The following HS3ST4 variants were observed in gnomAD, a reference collection of about 807,000 sequenced individuals.
HS3ST4 encodes heparan sulfate-glucosamine 3-sulfotransferase 4.
Under a neutral mutation model 29.2 loss-of-function variants are expected in HS3ST4, and 17 were observed. The observed-to-expected ratio is 0.58, with a 90% CI of 0.40 to 0.87. HS3ST4 has a LOEUF of 0.87. Among genes scored for constraint, HS3ST4 ranks in the 40% least tolerant of loss-of-function variants. The pLI, the probability that HS3ST4 is intolerant of heterozygous loss-of-function variation, is 0.00. For synonymous variants in HS3ST4, 314 were observed against 285.7 expected, an observed-to-expected ratio of 1.10 and a Z score of -1.00; for missense variants, 627 against 634.5, an observed-to-expected ratio of 0.99 and a Z score of 0.13.
intron 1 of HS3ST4, among the ~76,000 whole-genome samples, chr16:25,816,131 A>G (rs375982434): frequency 8.5e-5 from 13 of 152,324 alleles, no homozygotes; most frequent in African/African-American, 3.1e-4. Context: ...ATTTATACCA[A>G]AATCCCAATC....
chr16:25,892,888 C>T (rs543600518), intron 1 of HS3ST4, among the ~76,000 whole-genome samples: 1 of 152,022 alleles, frequency 6.6e-6, no homozygotes, highest in Non-Finnish European at 1.5e-5. Context: ...CTTGACCTCA[C>T]GGAACTTATT....
In HS3ST4 at chr16:25,693,089, G is replaced by C; in HGVS notation, c.672G>C (p.Arg224=). Residue 224 remains arginine, a synonymous_variant, in exon 1 of 2, where the codon CGG becomes CGC. Coordinates refer to ENST00000331351, the MANE Select transcript of HS3ST4 (RefSeq NM_006040.3). The part of the protein sequence containing the change: ...LEAIRVHPDV[R]AVGVEPHFFD... ...CGATCCGCGTGCACCCGGACGTGCG[G>C]GCGGTGGGCGTAGAGCCGCACTTCT... 1 of 1,608,942 alleles carries C rather than the reference G, an allele frequency of 6.2e-7. No individual in the cohort carries two copies. Among genetic ancestry groups the C allele is most frequent in the South Asian group, 1.1e-5 (1 of 90,584 alleles).
At chr16:26,094,509 A>G (rs952384922) in intron 1 of HS3ST4, among the ~76,000 whole-genome samples, 15 of 152,216 alleles carry the variant, frequency 9.9e-5, no homozygotes, top group African/African-American at 3.6e-4. Flanking sequence ...ATATCCAACC[A>G]AACTAAGCTT....
chr16:25,873,841 C>G (rs1176009976), intron 1 of HS3ST4, among the ~76,000 whole-genome samples: 1 of 152,156 alleles, frequency 6.6e-6, no homozygotes, highest in East Asian at 1.9e-4. Context: ...TCCATCTATC[C>G]TGCCCTACAT....
chr16:26,011,023 A>G (rs1413844381), intron 1 of HS3ST4, among the ~76,000 whole-genome samples: 1 of 152,192 alleles, frequency 6.6e-6, no homozygotes, highest in Non-Finnish European at 1.5e-5. Context: ...TGTTCTGCCT[A>G]TACCTTAAGC....
chr16:25,949,129 G>T (rs528887374), intron 1 of HS3ST4, among the ~76,000 whole-genome samples: 4 of 151,874 alleles, frequency 2.6e-5, no homozygotes, highest in East Asian at 1.9e-4. Context: ...GAGATTTTTT[G>T]ATATAGGCGT....
At chr16:26,077,090 C>T (rs183499945) in intron 1 of HS3ST4, among the ~76,000 whole-genome samples, 22 of 152,314 alleles carry the variant, frequency 1.4e-4, no homozygotes, top group African/African-American at 4.8e-4. Flanking sequence ...CAGCTGCAGT[C>T]CTCCCACAGT....
chr16:25,743,988 T>G lies in HS3ST4; in HGVS notation c.734+50837T>G, dbSNP rs1167404323. 2.6e-5 allele frequency among the ~76,000 whole-genome samples: 4 copies of G among 152,346 alleles called. No homozygotes were observed. The East Asian group carries it at 7.7e-4, about 29-fold the overall frequency. On this transcript the variant is annotated intron_variant, in intron 1 of 1. Coordinates refer to ENST00000331351, the MANE Select transcript of HS3ST4 (RefSeq NM_006040.3). ...GTTTAAATAGCCTAGATTTTTCAGT[T>G]GACATTTTTCAAGGCCTTTGATTAC...
At chr16:25,983,439 C>A (rs1323704971) in intron 1 of HS3ST4, among the ~76,000 whole-genome samples, 1 of 152,302 alleles carries the variant, frequency 6.6e-6, no homozygotes, top group South Asian at 2.1e-4. Flanking sequence ...GTGGTTTGCA[C>A]ACAGTATTCA....
chr16:25,965,574 C>T lies in HS3ST4; in HGVS notation c.735-170038C>T, dbSNP rs545530646. Among the ~76,000 whole-genome samples the T allele has an allele frequency of 1.6e-4, 24 of 152,186 alleles. No homozygotes were observed. In the South Asian group the frequency reaches 4.4e-3, roughly 28 times the overall value. ...TGCATTTCCTTCTGTGGGTAATGGA[C>T]TCTTCTGCCTCTGATCTCCATCACT... On this transcript the variant is annotated intron_variant, in intron 1 of 1. Coordinates refer to ENST00000331351, the MANE Select transcript of HS3ST4 (RefSeq NM_006040.3).
chr16:25,895,561 G>T (rs1022984592), intron 1 of HS3ST4, among the ~76,000 whole-genome samples: 1 of 152,104 alleles, frequency 6.6e-6, no homozygotes, highest in Non-Finnish European at 1.5e-5. Context: ...TGTCTGGGCT[G>T]CTGTAACTGG....
At chr16:25,828,057 A>T (rs1967238020) in intron 1 of HS3ST4, among the ~76,000 whole-genome samples, 1 of 152,010 alleles carries the variant, frequency 6.6e-6, no homozygotes, top group Non-Finnish European at 1.5e-5. Flanking sequence ...GTGCTGCAGG[A>T]TGTACAGATT....
chr16:25,707,387 A>G (rs1966382685), intron 1 of HS3ST4, among the ~76,000 whole-genome samples: 1 of 152,146 alleles, frequency 6.6e-6, no homozygotes, highest in South Asian at 2.1e-4. Context: ...TACTGTACCT[A>G]ATTTATAAAT....
At chr16:25,829,186 T>C (rs986250107) in intron 1 of HS3ST4, among the ~76,000 whole-genome samples, 1 of 152,198 alleles carries the variant, frequency 6.6e-6, no homozygotes, top group African/African-American at 2.4e-5. Context: ...TAACACTTGA[T>C]TGGGAGAAGC....
chr16:25,761,963 G>A (rs1038828124), intron 1 of HS3ST4, among the ~76,000 whole-genome samples: 12 of 152,248 alleles, frequency 7.9e-5, no homozygotes, highest in Non-Finnish European at 1.3e-4. Context: ...GTGTTCCCCC[G>A]AAATTCATAG....
chr16:26,074,819 C>T (rs574815093), intron 1 of HS3ST4, among the ~76,000 whole-genome samples: 2 of 152,300 alleles, frequency 1.3e-5, no homozygotes, highest in African/African-American at 4.8e-5. Context: ...AATGCACATG[C>T]CCCGACTCTG....
chr16:25,698,411 C>A (rs1044369856), intron 1 of HS3ST4, among the ~76,000 whole-genome samples: 1 of 152,136 alleles, frequency 6.6e-6, no homozygotes, highest in Non-Finnish European at 1.5e-5. Flanking sequence ...ACAGAGTGTC[C>A]TTTCTTGATT....
intron 1 of HS3ST4, among the ~76,000 whole-genome samples, chr16:25,741,330 A>G: frequency 7.4e-6 from 1 of 134,530 alleles, no homozygotes; most frequent in Non-Finnish European, 1.6e-5. Context: ...AAGTACCAGC[A>G]CTGCATTTCT....
At chr16:25,883,968 C>T (rs748058493) in intron 1 of HS3ST4, among the ~76,000 whole-genome samples, 2 of 152,084 alleles carry the variant, frequency 1.3e-5, no homozygotes, top group Non-Finnish European at 2.9e-5. Flanking sequence ...CAAAAATTAG[C>T]CGACTGTGGT....
Sources: allele counts gnomAD v4.1 joint callset (sites outside exome capture counted in the v4.1 genomes callset), GRCh38; gene constraint gnomAD v4.1.1; transcripts MANE v1.5; gene names NCBI Gene and HGNC (gene_info 2026-07-23, HGNC 2026-07-21).